ADAM22: variants seen among roughly 807,000 people sequenced by gnomAD.
ADAM22 encodes disintegrin and metalloproteinase domain-containing protein 22.
In ADAM22, 65 loss-of-function variants were observed where a neutral mutation model predicts 144.6. The observed-to-expected ratio is 0.45, with a 90% CI of 0.37 to 0.55. The LOEUF (loss-of-function observed/expected upper bound fraction) is 0.55. Ranked by LOEUF, ADAM22 falls within the 20% of genes least tolerant of loss-of-function variation. The pLI, the probability that ADAM22 is intolerant of heterozygous loss-of-function variation, is 0.00. For missense variants in ADAM22, 974 were observed against 1,184.9 expected, an observed-to-expected ratio of 0.82 and a Z score of 2.61; for synonymous variants, 391 against 412.6, an observed-to-expected ratio of 0.95 and a Z score of 0.63.
intron 2 of ADAM22, among the ~76,000 whole-genome samples, chr7:87,952,572 A>G (rs1356568372): frequency 1.3e-5 from 2 of 151,918 alleles, no homozygotes; most frequent in Non-Finnish European, 2.9e-5. Context: ...TTTTGCATCA[A>G]TGTTCATCAA....
chr7:87,953,816 C>G (rs1369494610), intron 2 of ADAM22, among the ~76,000 whole-genome samples: 1 of 152,132 alleles, frequency 6.6e-6, no homozygotes, highest in Non-Finnish European at 1.5e-5. Flanking sequence ...CTTTATGAAT[C>G]TGGGTGCTCC....
intron 5 of ADAM22, among the ~76,000 whole-genome samples, chr7:88,109,717 T>C (rs1028407655): frequency 1.3e-5 from 2 of 151,004 alleles, no homozygotes; most frequent in Admixed American, 1.3e-4. Flanking sequence ...TGCTTTTTTT[T>C]TGAGAGAGAG....
At chr7:88,141,427 AT>A (rs1834595701) in intron 14 of ADAM22, among the ~76,000 whole-genome samples, 1 of 152,214 alleles carries the variant, frequency 6.6e-6, no homozygotes, top group South Asian at 2.1e-4. Flanking sequence ...AATTCCATTA[AT>A]TAATAACAAA....
chr7:87,936,847 G>GTA (rs1444519213), intron 2 of ADAM22, among the ~76,000 whole-genome samples: 4 of 147,972 alleles, frequency 2.7e-5, no homozygotes, highest in African/African-American at 9.9e-5. Flanking sequence ...ATATGTGTGT[G>GTA]TATATATATT....
intron 7 of ADAM22, among the ~76,000 whole-genome samples, chr7:88,123,801 C>G (rs1173437167): frequency 6.6e-6 from 1 of 151,770 alleles, no homozygotes; most frequent in Non-Finnish European, 1.5e-5. Flanking sequence ...TTTGCCTTGT[C>G]ATATTTTTAT....
At chr7:88,142,699 A>G (rs374042275) in intron 14 of ADAM22, among the ~76,000 whole-genome samples, 249 of 152,106 alleles carry the variant, frequency 1.6e-3, no homozygotes, top group African/African-American at 4.2e-3. Flanking sequence ...TTAGCTGGGC[A>G]TGGTGGCGGG....
chr7:87,975,324 A>G (rs1230515883), intron 2 of ADAM22, among the ~76,000 whole-genome samples: 1 of 152,160 alleles, frequency 6.6e-6, no homozygotes, highest in African/African-American at 2.4e-5. Flanking sequence ...CTACTATCAG[A>G]TAAACTCCAC....
intron 2 of ADAM22, among the ~76,000 whole-genome samples, chr7:87,950,995 T>G (rs1844957022): frequency 6.6e-6 from 1 of 152,226 alleles, no homozygotes. Flanking sequence ...TGTTTGTTTT[T>G]TTCTTGTAAA....
intron 4 of ADAM22, among the ~76,000 whole-genome samples, chr7:88,094,054 A>T (rs976107936): frequency 6.6e-6 from 1 of 152,150 alleles, no homozygotes; most frequent in Non-Finnish European, 1.5e-5. Context: ...TATTCAATAG[A>T]CATGAGTTGA....
At chr7:88,023,530 C>T (rs1242635877) in intron 3 of ADAM22, among the ~76,000 whole-genome samples, 1 of 152,108 alleles carries the variant, frequency 6.6e-6, no homozygotes, top group Non-Finnish European at 1.5e-5. Context: ...AGTGATTCTC[C>T]TGCCTCAATC....
intron 30 of ADAM22, among the ~76,000 whole-genome samples, chr7:88,190,244 A>G (rs4728735): frequency 0.12 from 17,582 of 152,140 alleles, 1,754 homozygotes; most frequent in East Asian, 0.48. Flanking sequence ...TTTTAAAAAT[A>G]CAGTAATGGG....
At chr7:88,094,158 A>C (rs990600239) in intron 4 of ADAM22, among the ~76,000 whole-genome samples, 14 of 152,306 alleles carry the variant, frequency 9.2e-5, no homozygotes, top group Admixed American at 3.9e-4. Context: ...TAGGAGAGAC[A>C]GGCATGATGC....
intron 2 of ADAM22, among the ~76,000 whole-genome samples, chr7:87,974,171 G>C (rs1223116924): frequency 6.6e-6 from 1 of 151,224 alleles, no homozygotes; most frequent in Non-Finnish European, 1.5e-5. Flanking sequence ...AGCCGTGGTG[G>C]CGGGTGTCTG....
At chr7:88,115,065 G>A (rs780039103) in intron 6 of ADAM22, among the ~76,000 whole-genome samples, 1 of 152,066 alleles carries the variant, frequency 6.6e-6, no homozygotes, top group Non-Finnish European at 1.5e-5. Context: ...GGCCAACTTG[G>A]TGAAACCCCG....
intron 2 of ADAM22, among the ~76,000 whole-genome samples, chr7:87,960,255 G>A (rs1847731768): frequency 6.6e-6 from 1 of 152,106 alleles, no homozygotes; most frequent in South Asian, 2.1e-4. Flanking sequence ...AAATAATTAG[G>A]TTAGAAGAAG....
At chr7:88,160,591 C>T (rs1373779515) in intron 22 of ADAM22, among the ~76,000 whole-genome samples, 1 of 152,010 alleles carries the variant, frequency 6.6e-6, no homozygotes, top group East Asian at 1.9e-4. Context: ...ATGAAGCTGA[C>T]AAAAACAAGT....
intron 4 of ADAM22, among the ~76,000 whole-genome samples, chr7:88,096,249 C>G (rs1171006573): frequency 6.6e-6 from 1 of 150,906 alleles, no homozygotes; most frequent in Non-Finnish European, 1.5e-5. Flanking sequence ...TTTTTTCCCC[C>G]AAAGAACCAG....
intron 2 of ADAM22, 32 bp downstream of exon 2, chr7:87,935,218 G>A (rs773073584): frequency 6.5e-7 from 1 of 1,535,376 alleles, no homozygotes; most frequent in Non-Finnish European, 8.8e-7. Flanking sequence ...GTGGTCCTCC[G>A]CGCCTCCCGG....
At chr7:88,191,673 T>C (rs1345682667) in intron 30 of ADAM22, among the ~76,000 whole-genome samples, 1 of 152,160 alleles carries the variant, frequency 6.6e-6, no homozygotes, top group Non-Finnish European at 1.5e-5. Context: ...TAATAGAACT[T>C]TAGAGAATTT....
Sources: gnomAD v4.1 joint callset for allele counts (sites outside exome capture counted in the v4.1 genomes callset) on GRCh38, gnomAD v4.1.1 for gene constraint, MANE v1.5 for transcripts, NCBI Gene and HGNC (gene_info 2026-07-23, HGNC 2026-07-21) for gene names.